GPC5: variants seen among roughly 807,000 people sequenced by gnomAD.
GPC5 encodes the protein glypican-5.
In GPC5, 47 loss-of-function variants were observed where a neutral mutation model predicts 53.9. That is an observed-to-expected ratio of 0.87 (90% CI 0.69 to 1.11). The LOEUF is 1.11. GPC5 is among the 50% of genes most tolerant of loss of function. GPC5 has a pLI of 0.00. For missense variants in GPC5, 748 were observed against 713.1 expected (o/e 1.05, Z -0.56); for synonymous variants, 286 against 263.3 (o/e 1.09, Z -0.84).
intron 7 of GPC5, among the ~76,000 whole-genome samples, chr13:92,807,037 G>T (rs919366760): frequency 1.1e-4 from 17 of 152,058 alleles, no homozygotes; most frequent in Non-Finnish European, 1.5e-5. Context: ...TCCAGTCTCA[G>T]TCTCCTCCTC....
intron 2 of GPC5, among the ~76,000 whole-genome samples, chr13:91,501,086 T>G (rs923307254): frequency 6.6e-6 from 1 of 152,146 alleles, no homozygotes; most frequent in Admixed American, 6.5e-5. Context: ...GGGTATGTCT[T>G]TATTGGCAGT....
chr13:91,979,193 G>C (rs2040335103), intron 6 of GPC5, among the ~76,000 whole-genome samples: 1 of 151,898 alleles, frequency 6.6e-6, no homozygotes, highest in Admixed American at 6.6e-5. Context: ...GAGAGCTAGA[G>C]GTAAGGGGAA....
intron 2 of GPC5, among the ~76,000 whole-genome samples, chr13:91,601,795 C>A (rs2139239389): frequency 6.6e-6 from 1 of 152,222 alleles, no homozygotes; most frequent in Non-Finnish European, 1.5e-5. Context: ...ATAATTATTT[C>A]ATTATATATT....
intron 6 of GPC5, among the ~76,000 whole-genome samples, chr13:92,005,265 A>G (rs2040595980): frequency 2.0e-5 from 3 of 152,336 alleles, no homozygotes; most frequent in Admixed American, 1.3e-4. Context: ...GAAATTTCTT[A>G]TACTTCACAA....
At chr13:92,114,489 A>T (rs1001789626) in intron 6 of GPC5, among the ~76,000 whole-genome samples, 1 of 152,234 alleles carries the variant, frequency 6.6e-6, no homozygotes, top group African/African-American at 2.4e-5. Flanking sequence ...CCACGACTGG[A>T]ATTTATACCA....
At chr13:91,416,712 T>C (rs1878256825) in intron 1 of GPC5, among the ~76,000 whole-genome samples, 1 of 152,180 alleles carries the variant, frequency 6.6e-6, no homozygotes, top group Non-Finnish European at 1.5e-5. Context: ...TTTGGTTTTC[T>C]GTCCTTGTGA....
At chr13:92,368,937 A>G (rs2043628621) in intron 7 of GPC5, among the ~76,000 whole-genome samples, 1 of 152,086 alleles carries the variant, frequency 6.6e-6, no homozygotes, top group African/African-American at 2.4e-5. Context: ...GAGAAGAAAA[A>G]CTGTGAAGTG....
chr13:92,184,113 AT>A (rs1452121157), intron 7 of GPC5, among the ~76,000 whole-genome samples: 1 of 151,774 alleles, frequency 6.6e-6, no homozygotes, highest in Non-Finnish European at 1.5e-5. Flanking sequence ...CTTATGGTGT[AT>A]TATTTATACT....
At chr13:92,815,874 A>G (rs1170108408) in intron 7 of GPC5, among the ~76,000 whole-genome samples, 1 of 152,010 alleles carries the variant, frequency 6.6e-6, no homozygotes, top group African/African-American at 2.4e-5. Flanking sequence ...AAATGAGAAC[A>G]TAGGGGAAAA....
chr13:91,830,932 T>TGA (rs1429543399), intron 5 of GPC5, among the ~76,000 whole-genome samples: 2 of 135,750 alleles, frequency 1.5e-5, no homozygotes, highest in Non-Finnish European at 3.1e-5. Flanking sequence ...CTATTATATA[T>TGA]TATATATCCT....
chr13:92,119,283 G>A (rs1346830782), intron 6 of GPC5, among the ~76,000 whole-genome samples: 1 of 151,608 alleles, frequency 6.6e-6, no homozygotes, highest in Non-Finnish European at 1.5e-5. Flanking sequence ...CTCCCACTGT[G>A]TCCCTGCCAC....
rs976815098 is a variant in GPC5, at chr13:91,924,621, G to T, written c.1401+16564G>T. ...CTGGGCGTGGTGGTGGGCACCTGTA[G>T]TCCTAGCTACTCAGGAGGCTGAAGT... On this transcript the variant is annotated intron_variant, in intron 6 of 7. Transcript: ENST00000377067. Among the ~76,000 whole-genome samples, 5 of 151,964 alleles carry T rather than the reference G, an allele frequency of 3.3e-5. 1 individual carries two copies. The highest frequency in any genetic ancestry group is 1.2e-4 in the African/African-American group (5 of 41,386).
At chr13:92,043,695 A>G (rs1185469034) in intron 6 of GPC5, among the ~76,000 whole-genome samples, 1 of 152,218 alleles carries the variant, frequency 6.6e-6, no homozygotes, top group Non-Finnish European at 1.5e-5. Context: ...TGACTAAGGT[A>G]GATATCATTA....
At chr13:92,277,342 G>A (rs9516031) in intron 7 of GPC5, among the ~76,000 whole-genome samples, 12,985 of 151,826 alleles carry the variant, frequency 0.086, 614 homozygotes, top group Middle Eastern at 0.12. Context: ...CATATTCTTC[G>A]TTTTATGTAC....
At chr13:92,515,321 A>AT (rs1276173044) in intron 7 of GPC5, among the ~76,000 whole-genome samples, 1 of 152,140 alleles carries the variant, frequency 6.6e-6, no homozygotes, top group Admixed American at 6.5e-5. Flanking sequence ...TGGGAGCAGC[A>AT]TTTTTTTGAG....
chr13:92,004,095 T>C (rs1219691443), intron 6 of GPC5, among the ~76,000 whole-genome samples: 1 of 152,180 alleles, frequency 6.6e-6, no homozygotes, highest in Non-Finnish European at 1.5e-5. Context: ...ATTTTGTTAC[T>C]GTAAAAACAG....
At chr13:92,101,044 T>G (rs2138911863) in intron 6 of GPC5, among the ~76,000 whole-genome samples, 1 of 152,314 alleles carries the variant, frequency 6.6e-6, no homozygotes, top group Admixed American at 6.5e-5. Context: ...AACTTAAAAC[T>G]TCCATGGACA....
intron 7 of GPC5, among the ~76,000 whole-genome samples, chr13:92,156,266 G>A (rs1429922684): frequency 6.6e-6 from 1 of 152,010 alleles, no homozygotes; most frequent in African/African-American, 2.4e-5. Flanking sequence ...AAGAAAACTT[G>A]GCAGATTTTA....
intron 1 of GPC5, among the ~76,000 whole-genome samples, chr13:91,412,855 GA>G (rs1877911262): frequency 6.6e-6 from 1 of 152,136 alleles, no homozygotes; most frequent in African/African-American, 2.4e-5. Context: ...CATATTCCAA[GA>G]AAGTAATTGG....
Sources: allele counts gnomAD v4.1 joint callset (sites outside exome capture counted in the v4.1 genomes callset), GRCh38; gene constraint gnomAD v4.1.1; transcripts MANE v1.5; gene names NCBI Gene and HGNC (gene_info 2026-07-23, HGNC 2026-07-21).